The following UGGT2 variants were observed in gnomAD, a reference collection of about 807,000 sequenced individuals.
UGGT2 encodes UDP-glucose:glycoprotein glucosyltransferase 2.
UGGT2 carries 180 observed loss-of-function variants against 192.1 expected under a neutral mutation model. That is an observed-to-expected ratio of 0.94 (90% CI 0.83 to 1.06). The LOEUF (loss-of-function observed/expected upper bound fraction) is 1.06, where lower values mean the gene tolerates loss of function less well. Among genes scored for constraint, UGGT2 ranks in the 50% least tolerant of loss-of-function variants. The pLI is 0.00. For synonymous variants in UGGT2, 580 were observed against 591.0 expected (o/e 0.98, Z 0.27); for missense variants, 1,849 against 1,795.7 (o/e 1.03, Z -0.54).
intron 20 of UGGT2, among the ~76,000 whole-genome samples, chr13:95,913,608 G>A (rs564088523): frequency 6.6e-6 from 1 of 152,314 alleles, no homozygotes; most frequent in South Asian, 2.1e-4. Context: ...AGAGGATGTG[G>A]AGAAATAGGA....
intron 1 of UGGT2, among the ~76,000 whole-genome samples, chr13:96,039,685 G>C (rs926645817): frequency 6.6e-6 from 1 of 152,078 alleles, no homozygotes; most frequent in Admixed American, 6.5e-5. Context: ...TATAGGCAGC[G>C]AGGAGAAACC....
At chr13:95,858,814 T>C (rs190062986) in intron 33 of UGGT2, among the ~76,000 whole-genome samples, 1 of 152,320 alleles carries the variant, frequency 6.6e-6, no homozygotes, top group Admixed American at 6.5e-5. Flanking sequence ...TTTCTTATCA[T>C]GTGGGATTGT....
At chr13:95,810,665 G>C (rs1884535829) in intron 38 of UGGT2, among the ~76,000 whole-genome samples, 1 of 152,078 alleles carries the variant, frequency 6.6e-6, no homozygotes, top group African/African-American at 2.4e-5. Context: ...AAAATCTACA[G>C]ATAGGTGGAC....
At chr13:96,004,156 T>C (rs555674876) in intron 5 of UGGT2, among the ~76,000 whole-genome samples, 1 of 150,900 alleles carries the variant, frequency 6.6e-6, no homozygotes, top group African/African-American at 2.4e-5. Context: ...AGCAAAGCTA[T>C]GGTATCTAAG....
chr13:95,849,474 C>T (rs374790155), intron 36 of UGGT2, among the ~76,000 whole-genome samples: 4 of 148,248 alleles, frequency 2.7e-5, no homozygotes, highest in East Asian at 2.0e-4. Context: ...ACCCAGGAGG[C>T]GGAGCTTGCA....
Position 96,053,392 on chromosome 13 carries a change from C to G in UGGT2, c.-80G>C, listed in dbSNP as rs2053547810. 1 of 1,508,886 alleles carries G rather than the reference C, an allele frequency of 6.6e-7. No homozygotes were observed. The allele number at this position is 1,508,886 out of a possible 1,614,324, so 93.5% of individuals were successfully genotyped here. A position where few individuals can be genotyped will look rare whatever the true frequency, so the allele number is the denominator to read the frequency against. On this transcript the variant is annotated 5_prime_UTR_variant, in exon 1 of 39. Coordinates refer to ENST00000376747, the MANE Select transcript of UGGT2 (RefSeq NM_020121.4). Reference sequence around the variant, plus strand: ...GCCACGCTTCGGCCGGCTCTTCCCGCTGCGCGGCTGCCCACTTCCGGTGGG... The same window carrying G: ...GCCACGCTTCGGCCGGCTCTTCCCGGTGCGCGGCTGCCCACTTCCGGTGGG...
chr13:95,894,259 G>A (rs565749667), intron 24 of UGGT2, among the ~76,000 whole-genome samples: 1 of 152,152 alleles, frequency 6.6e-6, no homozygotes, highest in Non-Finnish European at 1.5e-5. Context: ...TATTATTTAT[G>A]ACTATCTTGA....
At chr13:95,806,036 TA>T (rs35951474) in intron 38 of UGGT2, among the ~76,000 whole-genome samples, 226 of 84,788 alleles carry the variant, frequency 2.7e-3, no homozygotes, top group East Asian at 0.011. Context: ...AAGAGATTAT[TA>T]AAAAAAAAAA....
intron 2 of UGGT2, among the ~76,000 whole-genome samples, chr13:96,029,767 A>C (rs535999674): frequency 6.6e-6 from 1 of 152,354 alleles, no homozygotes; most frequent in South Asian, 2.1e-4. Flanking sequence ...TGATATATTT[A>C]AGTAACTTAA....
intron 30 of UGGT2, among the ~76,000 whole-genome samples, chr13:95,866,820 C>T (rs529057864): frequency 6.6e-6 from 1 of 152,070 alleles, no homozygotes; most frequent in Non-Finnish European, 1.5e-5. Flanking sequence ...ACTAGGCTCG[C>T]ATTTTCCCTT....
intron 17 of UGGT2, among the ~76,000 whole-genome samples, chr13:95,928,259 C>A (rs1288630628): frequency 6.6e-6 from 1 of 151,492 alleles, no homozygotes; most frequent in Non-Finnish European, 1.5e-5. Context: ...CAGGGGCTGC[C>A]CCCTACCTCC....
intron 20 of UGGT2, among the ~76,000 whole-genome samples, chr13:95,907,498 A>T (rs1369690827): frequency 6.6e-6 from 1 of 152,158 alleles, no homozygotes; most frequent in Non-Finnish European, 1.5e-5. Flanking sequence ...ACCTCCCAAC[A>T]GGGGCCGACA....
chr13:96,043,046 C>T (rs1028700253), intron 1 of UGGT2, among the ~76,000 whole-genome samples: 2 of 152,074 alleles, frequency 1.3e-5, no homozygotes, highest in Non-Finnish European at 2.9e-5. Context: ...AAGATCATTG[C>T]CTAGGCACAT....
At chr13:95,831,137 G>A (rs532175951) in intron 38 of UGGT2, among the ~76,000 whole-genome samples, 2 of 151,964 alleles carry the variant, frequency 1.3e-5, no homozygotes, top group East Asian at 3.9e-4. Flanking sequence ...GTGGGGTGGG[G>A]GTAGGGGGTG....
chr13:96,025,347 C>G (rs2052631709), intron 2 of UGGT2, among the ~76,000 whole-genome samples: 1 of 152,090 alleles, frequency 6.6e-6, no homozygotes, highest in Non-Finnish European at 1.5e-5. Context: ...CAAAACTGTA[C>G]AGTCAATCAG....
At chr13:95,956,529 T>A (rs1324073997) in intron 12 of UGGT2, among the ~76,000 whole-genome samples, 1 of 152,184 alleles carries the variant, frequency 6.6e-6, no homozygotes, top group Non-Finnish European at 1.5e-5. Context: ...CTAGAGAAGA[T>A]ATACAAATGG....
At chr13:95,930,158 C>G (rs2049197104) in intron 17 of UGGT2, among the ~76,000 whole-genome samples, 1 of 152,096 alleles carries the variant, frequency 6.6e-6, no homozygotes, top group Admixed American at 6.5e-5. Flanking sequence ...TTATTTGCTA[C>G]TTATGGATAT....
At chr13:96,025,515 T>C (rs2052637156) in intron 2 of UGGT2, among the ~76,000 whole-genome samples, 1 of 152,206 alleles carries the variant, frequency 6.6e-6, no homozygotes, top group South Asian at 2.1e-4. Flanking sequence ...ATTAGATCCT[T>C]TCAAAGATGA....
intron 36 of UGGT2, among the ~76,000 whole-genome samples, chr13:95,850,307 A>T (rs1594144057): frequency 6.6e-6 from 1 of 152,254 alleles, no homozygotes; most frequent in East Asian, 1.9e-4. Context: ...TGGCTTGACC[A>T]ATTGGTCAGA....
Sources: allele counts gnomAD v4.1 joint callset (sites outside exome capture counted in the v4.1 genomes callset), GRCh38; gene constraint gnomAD v4.1.1; transcripts MANE v1.5; gene names NCBI Gene and HGNC (gene_info 2026-07-23, HGNC 2026-07-21).